Variants in MAST1 observed in about 807,000 individuals in gnomAD.
MAST1 encodes microtubule associated serine/threonine kinase 1, also known as microtubule-associated serine/threonine-protein kinase 1.
Under a neutral mutation model 124.6 loss-of-function variants are expected in MAST1, and 40 were observed. The observed-to-expected ratio is 0.32, with a 90% CI of 0.25 to 0.42. The LOEUF (loss-of-function observed/expected upper bound fraction) is 0.42. Among genes scored for constraint, MAST1 ranks in the 10% least tolerant of loss-of-function variants. The pLI is 1.00. For missense variants in MAST1, 1,558 were observed against 2,181.9 expected (o/e 0.71, Z 5.70); for synonymous variants, 938 against 939.4 (o/e 1.00, Z 0.03).
chr19:12,866,626 C>A lies in MAST1; in HGVS notation c.2030-27C>A. The A allele has an allele frequency of 6.7e-7, 1 of 1,488,254 alleles. No homozygotes were observed. Among genetic ancestry groups the A allele is most frequent in the Non-Finnish European group, 9.3e-7 (1 of 1,069,696 alleles). 92.2% of individuals were successfully genotyped at this position (1,488,254 alleles called of 1,614,324 possible). On this transcript the variant is annotated intron_variant, in intron 17 of 25. Transcript: ENST00000251472. The surrounding 1 kb of genome is among the most constrained non-coding windows in gnomAD (Gnocchi z 5.2). ...GATATGAGGAGGAACCCCGTACCCT[C>A]AGTCACAGCCCATACCCGCTCCCCA...
At chr19:12,855,110 C>T (rs1476636607) in intron 10 of MAST1, among the ~76,000 whole-genome samples, 3 of 151,750 alleles carry the variant, frequency 2.0e-5, no homozygotes, top group South Asian at 2.1e-4. Context: ...GGTGCCCACC[C>T]GTAATCCCAG....
Position 12,873,595 on chromosome 19 carries a change from C to T in MAST1, c.3452-14C>T, listed in dbSNP as rs767764466. 6.3e-7 allele frequency: 1 copy of T among 1,580,516 alleles called. No homozygotes were observed. The highest frequency in any genetic ancestry group is 1.1e-5 in the South Asian group (1 of 89,372). ...TGGGCTGTACTCACTCGCTTCACCT[C>T]CTGTCTCCCGCAGGCGCCTCATCCC... On this transcript the variant is annotated splice_polypyrimidine_tract_variant and intron_variant, in intron 25 of 25. Coordinates refer to ENST00000251472, the MANE Select transcript of MAST1 (RefSeq NM_014975.3).
chr19:12,865,011 G>T lies in MAST1; in HGVS notation c.1506-35G>T. On this transcript the variant is annotated intron_variant, in intron 13 of 25. Transcript: ENST00000251472. This position sits in a 1 kb window ranked among gnomAD's most constrained non-coding sequence, Gnocchi z 7.1. ...GGGAGGCCAGGAGGCAGAATGGACG[G>T]GCCTCATCCCTGAGATCCCCACCTG... The T allele has an allele frequency of 2.5e-6, 4 of 1,613,570 alleles. No individual in the cohort carries two copies. Among genetic ancestry groups the T allele is most frequent in the Non-Finnish European group, 3.4e-6 (4 of 1,179,594 alleles).
rs550879716 is a variant in MAST1 at position 12,873,889 on chromosome 19, C to T, written c.3732C>T (p.Pro1244=). The T allele has an allele frequency of 8.2e-6, 13 of 1,580,828 alleles. No individual in the cohort carries two copies. Among genetic ancestry groups the T allele is most frequent in the African/African-American group, 4.0e-5 (3 of 74,864 alleles). Residue 1244 remains proline (P), a synonymous_variant, in exon 26 of 26, where the codon CCC becomes CCT. Transcript: ENST00000251472. ...CGGCCAAACTGCACTCATCGCCTCC[C>T]GTCGTGCGCCCGCGCCCCAAGAGTG... The part of the protein sequence containing the change: ...SFPAKLHSSP[P]VVRPRPKSAE...
At chr19:12,859,486 A>T (rs1970054244) in intron 12 of MAST1, among the ~76,000 whole-genome samples, 1 of 152,080 alleles carries the variant, frequency 6.6e-6, no homozygotes, top group African/African-American at 2.4e-5. Context: ...GCCTGGGCTC[A>T]ATCAATTCTC....
chr19:12,838,520 C>T lies in MAST1; in HGVS notation c.-53C>T. 2 of 1,364,752 alleles carry T rather than the reference C, an allele frequency of 1.5e-6. No homozygotes were observed. Among genetic ancestry groups the T allele is most frequent in the Non-Finnish European group, 9.7e-7 (1 of 1,035,240 alleles). The allele number at this position is 1,364,752 out of a possible 1,614,324, so 84.5% of individuals were successfully genotyped here. A position where few individuals can be genotyped will look rare whatever the true frequency, so the allele number is the denominator to read the frequency against. On this transcript the variant is annotated 5_prime_UTR_variant, in exon 1 of 26. Transcript: ENST00000251472. This position sits in a 1 kb window ranked among gnomAD's most constrained non-coding sequence, Gnocchi z 4.3. ...CGCTTGCTCCCCGCGCCGCCGCCGC[C>T]GCCGCCTCCGCCGCTGCTGCCGCAC...
chr19:12,872,889 G>GTGA (rs1390568455), intron 24 of MAST1: 1 of 166,534 alleles, frequency 6.0e-6, no homozygotes, highest in Non-Finnish European at 1.3e-5. Flanking sequence ...TGGGCGACAA[G>GTGA]AGCGAAACTT....
rs780787524 is a variant in MAST1, at chr19:12,865,673, C to T, written c.1805-44C>T. 3.9e-6 allele frequency: 6 copies of T among 1,528,874 alleles called. No homozygotes were observed. The South Asian group carries it at 6.0e-5, about 15-fold the overall frequency. The allele number at this position is 1,528,874 out of a possible 1,614,324, so 94.7% of individuals were successfully genotyped here. A position where few individuals can be genotyped will look rare whatever the true frequency, so the allele number is the denominator to read the frequency against. On this transcript the variant is annotated intron_variant, in intron 15 of 25. Coordinates refer to ENST00000251472, the MANE Select transcript of MAST1 (RefSeq NM_014975.3). The surrounding 1 kb of genome is among the most constrained non-coding windows in gnomAD (Gnocchi z 7.1). ...ACAGTGAGATCCTGTGTCCAAACAA[C>T]AACAACAACAAAAACCGCCCCTAAG...
At chr19:12,873,234 G>T in intron 24 of MAST1, 90 bp from the exon 25 acceptor site, 1 of 1,281,756 alleles carries the variant, frequency 7.8e-7, no homozygotes, top group Non-Finnish European at 1.1e-6. Flanking sequence ...AGAAGGGGTG[G>T]GTGGTTACCG....
chr19:12,860,426 T>A (rs1352368669), intron 12 of MAST1, among the ~76,000 whole-genome samples: 1 of 149,032 alleles, frequency 6.7e-6, no homozygotes, highest in Non-Finnish European at 1.5e-5. Flanking sequence ...TATACACCTA[T>A]TTTTCCTTTT....
At chr19:12,842,454 G>T (rs1336045258) in intron 3 of MAST1, among the ~76,000 whole-genome samples, 1 of 151,938 alleles carries the variant, frequency 6.6e-6, no homozygotes, top group Non-Finnish European at 1.5e-5. Context: ...CACCACGCCC[G>T]GCTAATTTTT....
In MAST1 at chr19:12,865,797, C is replaced by A. The variant is rs1356908219; in HGVS notation, c.1885C>A (p.Pro629Thr). Residue 629 changes from proline to threonine, a missense_variant, in exon 16 of 26, where the codon CCT becomes ACT. By Grantham distance (38) the Pro-to-Thr change is conservative. This residue lies in a region of MAST1 where 145 missense variants were observed against 350.0 expected (regional missense o/e 0.41). Transcript: ENST00000251472. This position sits in a 1 kb window ranked among gnomAD's most constrained non-coding sequence, Gnocchi z 7.1. ...CATATCCAGCCTCCTGCAGACCAAC[C>A]CTCTGGTCAGGCTTGGGGCAGGTAA... The part of the protein sequence containing the change: ...LLISSLLQTN[P>T]LVRLGAGGAF... 1 of 1,613,830 alleles carries A rather than the reference C, an allele frequency of 6.2e-7. No homozygotes were observed. Among genetic ancestry groups the A allele is most frequent in the Non-Finnish European group, 8.5e-7 (1 of 1,179,934 alleles).
At chr19:12,873,171 T>G in intron 24 of MAST1, 153 bp from the exon 25 acceptor site, 1 of 706,122 alleles carries the variant, frequency 1.4e-6, no homozygotes, top group Non-Finnish European at 2.3e-6. Flanking sequence ...AGCACTGAGC[T>G]AAAGGAAGTT....
At chr19:12,872,905 CAA>C (rs907074663) in intron 24 of MAST1, among the ~76,000 whole-genome samples, 28 of 81,262 alleles carry the variant, frequency 3.4e-4, no homozygotes, top group African/African-American at 5.0e-4. Flanking sequence ...AACTTCGTCT[CAA>C]AAAAAAAAAA....
At chr19:12,853,311 A>G (rs986112917) in intron 10 of MAST1, among the ~76,000 whole-genome samples, 1 of 147,976 alleles carries the variant, frequency 6.8e-6, no homozygotes, top group East Asian at 2.3e-4. Flanking sequence ...GGCCGGGTGC[A>G]GTGGCTTAGG....
chr19:12,873,980 A>G lies in MAST1; in HGVS notation c.3823A>G (p.Ser1275Gly). The G allele has an allele frequency of 6.2e-7, 1 of 1,601,868 alleles. No homozygotes were observed. The highest frequency in any genetic ancestry group is 8.5e-7 in the Non-Finnish European group (1 of 1,179,076). The change falls in exon 26 of 26, where the codon AGT (serine) becomes GGT (glycine). Residue 1275 changes from serine to glycine, a missense_variant. Physicochemically the swap from Ser to Gly is moderately conservative, Grantham distance 56. Transcript: ENST00000251472. ...GGCCGAGAAGCTGGGAGCCTCTTTG[A>G]GTGCGGACAAGAAGGGCGCGCTGCG... ...QSAEKLGASL[S>G]ADKKGALRKH...
rs1969968126 is a variant in MAST1 at position 12,852,146 on chromosome 19, T to G, written c.908T>G (p.Leu303Arg). 1 of 1,613,984 alleles carries G rather than the reference T, an allele frequency of 6.2e-7. No individual in the cohort carries two copies. The highest frequency in any genetic ancestry group is 8.5e-7 in the Non-Finnish European group (1 of 1,179,968). Residue 303 changes from leucine to arginine, a missense_variant, in exon 9 of 26, where the codon CTG becomes CGG. Around this residue, in one of 10 missense-constraint regions of MAST1, gnomAD observed 165 missense variants for 315.3 expected, o/e 0.52. Coordinates refer to ENST00000251472, the MANE Select transcript of MAST1 (RefSeq NM_014975.3). ...AACCCCGAGGAGTTCTACCACCTGC[T>G]GGAGGCGGCCGAAGGACACGCCAAG... ...EFNPEEFYHL[L>R]EAAEGHAKEG...
rs1969818630 is a variant in MAST1 at position 12,840,932 on chromosome 19, T to C, written c.173-59T>C. 1.1e-5 allele frequency: 9 copies of C among 787,704 alleles called. No individual in the cohort carries two copies. The South Asian group carries it at 1.2e-4, about 11-fold the overall frequency. 48.8% of individuals were successfully genotyped at this position (787,704 alleles called of 1,614,324 possible). ...ACTAAAGACAGGACATGCTGCTGTT[T>C]GCACGCCGCTTTAGGGAACGAGAGA... is the stretch of plus-strand genomic sequence containing the variant. On this transcript the variant is annotated intron_variant, in intron 2 of 25. Transcript: ENST00000251472.
chr19:12,863,076 G>A (rs1970105106), intron 12 of MAST1, among the ~76,000 whole-genome samples: 1 of 150,856 alleles, frequency 6.6e-6, no homozygotes, highest in Non-Finnish European at 1.5e-5. Flanking sequence ...TTGAACCCGG[G>A]GGCGGTGAGT....
Sources: allele counts gnomAD v4.1 joint callset (sites outside exome capture counted in the v4.1 genomes callset), GRCh38; gene constraint gnomAD v4.1.1; regional missense constraint gnomAD v4.1.1; non-coding constraint Gnocchi (gnomAD v3.1); transcripts MANE v1.5; gene names NCBI Gene and HGNC (gene_info 2026-07-23, HGNC 2026-07-21).